The following CSAD variants were observed in gnomAD, a reference collection of about 807,000 sequenced individuals.
The protein encoded by CSAD is cysteine sulfinic acid decarboxylase, also known as P-selectin cytoplasmic tail-associated protein.
Under a neutral mutation model 61.5 loss-of-function variants are expected in CSAD, and 47 were observed. The ratio of observed to expected loss-of-function variants is 0.76; its 90% CI spans 0.60 to 0.97. The LOEUF is 0.97. CSAD is among the 50% of genes least tolerant of loss of function. CSAD has a pLI of 0.00. For missense variants in CSAD, 611 were observed against 643.6 expected (o/e 0.95, Z 0.55); for synonymous variants, 245 against 252.7 (o/e 0.97, Z 0.29).
rs553868833 is a variant in CSAD, at chr12:53,180,765, G to A, written c.-124C>T. The A allele has an allele frequency of 1.6e-6, 2 of 1,272,456 alleles. No individual in the cohort carries two copies. The highest frequency in any genetic ancestry group is 1.3e-5 in the South Asian group (1 of 79,182). 78.8% of individuals were successfully genotyped at this position (1,272,456 alleles called of 1,614,324 possible). A position where few individuals can be genotyped will look rare whatever the true frequency, so the allele number is the denominator to read the frequency against. Reference sequence around the variant, plus strand: ...CGGTGGGGGCAGCCGCGGCGGTGGGGTTGGCAGGGTGTGCTGGGGCCTGGA... The same window carrying A: ...CGGTGGGGGCAGCCGCGGCGGTGGGATTGGCAGGGTGTGCTGGGGCCTGGA... On this transcript the variant is annotated 5_prime_UTR_variant, in exon 1 of 17. Coordinates refer to ENST00000444623, the MANE Select transcript of CSAD (RefSeq NM_001244705.2).
At chr12:53,161,607 T>C (rs1006275901) in intron 10 of CSAD, among the ~76,000 whole-genome samples, 1 of 151,958 alleles carries the variant, frequency 6.6e-6, no homozygotes, top group Non-Finnish European at 1.5e-5. Context: ...TAGGTTTTCA[T>C]TTCCAAAGCT....
chr12:53,169,739 C>T lies in CSAD; in HGVS notation c.702+333G>A, dbSNP rs951171041. On this transcript the variant is annotated intron_variant, in intron 10 of 16. Coordinates refer to ENST00000444623, the MANE Select transcript of CSAD (RefSeq NM_001244705.2). ...CTCACAGCCTTCACCAGTGCCTCTC[C>T]CCTCCTCAGCCTCTCCCTGCGCAGA... is the stretch of plus-strand genomic sequence containing the variant. 1.1e-4 allele frequency among the ~76,000 whole-genome samples: 16 copies of T among 152,046 alleles called. 1 individual carries two copies.
chr12:53,178,136 T>C (rs1010747468), intron 2 of CSAD, among the ~76,000 whole-genome samples: 6 of 151,562 alleles, frequency 4.0e-5, no homozygotes, highest in African/African-American at 7.3e-5. Flanking sequence ...AACATGGGAG[T>C]TGTTACAAAC....
chr12:53,170,872 C>G (rs999018090), intron 8 of CSAD: 1 of 378,402 alleles, frequency 2.6e-6, no homozygotes, highest in African/African-American at 2.1e-5. Context: ...AGGTGCCCAC[C>G]ACCATGCCTG....
intron 2 of CSAD, among the ~76,000 whole-genome samples, chr12:53,178,837 T>A (rs1592369237): frequency 6.6e-6 from 1 of 152,170 alleles, no homozygotes. Flanking sequence ...ATCCTATCTA[T>A]AAATCCTTAT....
chr12:53,176,894 G>C (rs1228997893), intron 2 of CSAD, among the ~76,000 whole-genome samples: 1 of 151,848 alleles, frequency 6.6e-6, no homozygotes, highest in Non-Finnish European at 1.5e-5. Flanking sequence ...CAGCATGCCG[G>C]GTTAATTTTT....
At chr12:53,167,240 G>A (rs571066589) in intron 10 of CSAD, among the ~76,000 whole-genome samples, 13 of 152,164 alleles carry the variant, frequency 8.5e-5, no homozygotes, top group Non-Finnish European at 1.5e-4. Context: ...AACAGTCCAG[G>A]CAAAGGGGGG....
In CSAD at chr12:53,163,513, C is replaced by G. The variant is rs190955810; in HGVS notation, c.703-2124G>C. Among the ~76,000 whole-genome samples the G allele has an allele frequency of 5.5e-4, 83 of 152,138 alleles. 1 individual carries two copies. Among genetic ancestry groups the G allele is most frequent in the Admixed American group, 2.1e-3 (32 of 15,276 alleles). On this transcript the variant is annotated intron_variant, in intron 10 of 16. Coordinates refer to ENST00000444623, the MANE Select transcript of CSAD (RefSeq NM_001244705.2). ...GAATATACAAAAATCAATTGTATCT[C>G]TATACACATTAGCAATGAACAATCT...
At chr12:53,173,126 T>C in intron 4 of CSAD, 3 of 472,610 alleles carry the variant, frequency 6.3e-6, no homozygotes, top group Non-Finnish European at 1.1e-5. Flanking sequence ...GAGAGCTGCT[T>C]GAGCCCGGGA....
intron 2 of CSAD, among the ~76,000 whole-genome samples, chr12:53,175,243 A>C (rs1941015298): frequency 6.6e-6 from 1 of 152,214 alleles, no homozygotes; most frequent in African/African-American, 2.4e-5. Context: ...GGCTCTCCTT[A>C]AGGCAATAGA....
rs1939169050 is a variant in CSAD, at chr12:53,160,629, G to A, written c.966+134C>T. The A allele has an allele frequency of 2.9e-5, 23 of 803,676 alleles. No individual in the cohort carries two copies. The South Asian group carries it at 3.7e-4, about 13-fold the overall frequency. The allele number at this position is 803,676 out of a possible 1,614,324, so 49.8% of individuals were successfully genotyped here. On this transcript the variant is annotated intron_variant, in intron 13 of 16. Coordinates refer to ENST00000444623, the MANE Select transcript of CSAD (RefSeq NM_001244705.2). ...GTGAAGGAGCCTAATACAGGTTAGG[G>A]TGGTAGCTGAGATGCAGCTTCAGAA...
chr12:53,161,816 C>T (rs367995233), intron 10 of CSAD, among the ~76,000 whole-genome samples: 36 of 151,250 alleles, frequency 2.4e-4, no homozygotes, highest in African/African-American at 8.7e-4. Flanking sequence ...GTTTAATTAG[C>T]CAAGTGTAGT....
At chr12:53,173,904 A>G (rs1940888957) in intron 2 of CSAD, 134 bp from the exon 3 acceptor site, 4 of 865,488 alleles carry the variant, frequency 4.6e-6, no homozygotes, top group Non-Finnish European at 5.5e-6. Context: ...TCACCCAAAA[A>G]AAAACCTCAG....
chr12:53,167,225 G>A (rs1374363046), intron 10 of CSAD, among the ~76,000 whole-genome samples: 2 of 152,206 alleles, frequency 1.3e-5, no homozygotes, highest in Non-Finnish European at 2.9e-5. Context: ...TACAGGTGGG[G>A]TGGAAACAGT....
At chr12:53,161,092 AG>A in intron 12 of CSAD, 34 bp downstream of exon 12, 1 of 1,602,172 alleles carries the variant, frequency 6.2e-7, no homozygotes, top group Non-Finnish European at 8.6e-7. Context: ...AATGGTTTGA[AG>A]GGCGGGATTT....
At chr12:53,159,548 C>T in intron 16 of CSAD, 75 bp downstream of exon 16, 1 of 1,313,368 alleles carries the variant, frequency 7.6e-7, no homozygotes, top group Non-Finnish European at 1.1e-6. Flanking sequence ...ATGCCACTCC[C>T]AGCCAACAGG....
intron 2 of CSAD, among the ~76,000 whole-genome samples, chr12:53,177,290 C>T (rs1210043688): frequency 1.3e-5 from 2 of 152,082 alleles, no homozygotes; most frequent in African/African-American, 2.4e-5. Flanking sequence ...TTGTTCCTAG[C>T]AAAGACAGAA....
chr12:53,159,836 T>C (rs1939043563), intron 15 of CSAD, 51 bp downstream of exon 15: 3 of 1,556,878 alleles, frequency 1.9e-6, no homozygotes, highest in African/African-American at 2.7e-5. Flanking sequence ...GCTTGGGGGC[T>C]GCAAAAGAGC....
rs532492541 is a variant in CSAD at position 53,160,948 on chromosome 12, C to T, written c.885-104G>A. 218 of 1,205,702 alleles carry T rather than the reference C, an allele frequency of 1.8e-4. No homozygotes were observed. The African/African-American group carries it at 2.7e-3, about 15-fold the overall frequency. 74.7% of individuals were successfully genotyped at this position (1,205,702 alleles called of 1,614,324 possible). A position where few individuals can be genotyped will look rare whatever the true frequency, so the allele number is the denominator to read the frequency against. ...CCCCAGCAAAGGGGCTTTGGTCTCACCCTCACCCCAGCATCAGGAAGAACT... is the reference window on the plus strand; with the variant it reads ...CCCCAGCAAAGGGGCTTTGGTCTCATCCTCACCCCAGCATCAGGAAGAACT... On this transcript the variant is annotated intron_variant, in intron 12 of 16. Transcript: ENST00000444623.
Sources: gnomAD v4.1 joint callset for allele counts (sites outside exome capture counted in the v4.1 genomes callset) on GRCh38, gnomAD v4.1.1 for gene constraint, MANE v1.5 for transcripts, NCBI Gene and HGNC (gene_info 2026-07-23, HGNC 2026-07-21) for gene names.